Variants in SLC6A4 observed in about 807,000 individuals in gnomAD.
SLC6A4 encodes the protein sodium-dependent serotonin transporter.
SLC6A4 carries 22 observed loss-of-function variants against 73.4 expected under a neutral mutation model. The ratio of observed to expected loss-of-function variants is 0.30; its 90% CI spans 0.21 to 0.43. SLC6A4 has a LOEUF of 0.43. Ranked by LOEUF, SLC6A4 falls within the 20% of genes least tolerant of loss-of-function variation. SLC6A4 has a pLI of 1.00. For synonymous variants in SLC6A4, 270 were observed against 315.5 expected, an observed-to-expected ratio of 0.86 and a Z score of 1.53; for missense variants, 593 against 808.5, an observed-to-expected ratio of 0.73 and a Z score of 3.23.
intron 3 of SLC6A4, 64 bp from the exon 4 acceptor site, chr17:30,218,995 C>A (rs779727943): frequency 2.5e-5 from 40 of 1,596,998 alleles, no homozygotes; most frequent in Non-Finnish European, 3.3e-5. Context: ...CCCAACCAAT[C>A]TGTGACTGAG....
At chr17:30,213,287 C>A (rs2143014505) in intron 8 of SLC6A4, among the ~76,000 whole-genome samples, 1 of 151,452 alleles carries the variant, frequency 6.6e-6, no homozygotes, top group African/African-American at 2.4e-5. Context: ...CAGAGAGATA[C>A]CCTCATTTTT....
chr17:30,229,817 C>T (rs1422843003), intron 1 of SLC6A4, among the ~76,000 whole-genome samples: 1 of 151,884 alleles, frequency 6.6e-6, no homozygotes, highest in Non-Finnish European at 1.5e-5. Flanking sequence ...GGTCAGAGTT[C>T]GAGACCAGCC....
At chr17:30,212,208 G>A (rs1906409235) in intron 9 of SLC6A4, among the ~76,000 whole-genome samples, 1 of 152,142 alleles carries the variant, frequency 6.6e-6, no homozygotes, top group Admixed American at 6.6e-5. Context: ...TAGACTTTGA[G>A]CCATCACAAG....
intron 11 of SLC6A4, among the ~76,000 whole-genome samples, chr17:30,209,919 C>T (rs1440697289): frequency 1.3e-5 from 2 of 152,146 alleles, no homozygotes; most frequent in Non-Finnish European, 2.9e-5. Flanking sequence ...GGATACCAGA[C>T]ACATTAAGGG....
In SLC6A4 at chr17:30,203,343, A is replaced by G. The variant is rs200464127; in HGVS notation, c.1651-4T>C. 5.0e-6 allele frequency: 8 copies of G among 1,611,766 alleles called. No homozygotes were observed. In the East Asian group the frequency reaches 1.8e-4, roughly 36 times the overall value. ...TCAGAAAACTGCAAATGATGAACTA[A>G]AACAGAAATTCCAAGAAACATTAAA... On this transcript the variant is annotated splice_region_variant and splice_polypyrimidine_tract_variant and intron_variant, in intron 13 of 14. Transcript: ENST00000650711.
At chr17:30,233,308 G>A (rs962400582) in intron 1 of SLC6A4, among the ~76,000 whole-genome samples, 15 of 152,154 alleles carry the variant, frequency 9.9e-5, no homozygotes, top group African/African-American at 3.4e-4. Context: ...TATTTCTACC[G>A]CACCACACCC....
intron 1 of SLC6A4, among the ~76,000 whole-genome samples, chr17:30,225,278 GGTGA>G (rs1448536395): frequency 6.6e-6 from 1 of 152,046 alleles, no homozygotes. Context: ...AACTCCTCTC[GGTGA>G]CTAATCGGGT....
At chr17:30,209,286 C>T in intron 11 of SLC6A4, 44 bp from the exon 12 acceptor site, 1 of 1,229,502 alleles carries the variant, frequency 8.1e-7, no homozygotes, top group Non-Finnish European at 1.2e-6. Context: ...TCCAAGGAGC[C>T]ACCCCTCCCA....
At chr17:30,222,745 C>A (rs1906807579) in intron 2 of SLC6A4, 74 bp downstream of exon 2, 1 of 1,245,416 alleles carries the variant, frequency 8.0e-7, no homozygotes, top group Admixed American at 2.3e-5. Flanking sequence ...TCCAGTCTAT[C>A]TGCACATGGC....
intron 5 of SLC6A4, 42 bp downstream of exon 5, chr17:30,218,076 G>A (rs773356223): frequency 6.5e-6 from 10 of 1,534,154 alleles, no homozygotes; most frequent in Admixed American, 3.3e-5. Context: ...CAGGGGTGTG[G>A]CCTGCCCCTA....
At chr17:30,203,702 T>G (rs1906105092) in intron 13 of SLC6A4, 2 of 217,204 alleles carry the variant, frequency 9.2e-6, no homozygotes, top group Admixed American at 5.1e-5. Flanking sequence ...TTGGGCCTTG[T>G]CTTGCCAGAA....
intron 1 of SLC6A4, among the ~76,000 whole-genome samples, chr17:30,229,623 A>G (rs1907025759): frequency 6.6e-6 from 1 of 152,092 alleles, no homozygotes; most frequent in South Asian, 2.1e-4. Context: ...TATGTTGCCC[A>G]GGCTGGTCTT....
At chr17:30,215,519 T>C in intron 8 of SLC6A4, 92 bp downstream of exon 8, 1 of 1,042,534 alleles carries the variant, frequency 9.6e-7, no homozygotes, top group South Asian at 1.3e-5. Context: ...CCTGGCCAGA[T>C]TCGAGGCCGT....
chr17:30,205,519 A>G (rs1397391330), intron 13 of SLC6A4, among the ~76,000 whole-genome samples: 1 of 152,202 alleles, frequency 6.6e-6, no homozygotes, highest in Non-Finnish European at 1.5e-5. Context: ...ATTTCCAACA[A>G]CCCTCTCACT....
chr17:30,210,631 C>G lies in SLC6A4; in HGVS notation c.1333G>C (p.Gly445Arg). 2.5e-6 allele frequency: 4 copies of G among 1,612,372 alleles called. No homozygotes were observed. The highest frequency in any genetic ancestry group is 1.1e-5 in the South Asian group (1 of 90,884). The change falls in exon 11 of 15, where the codon GGG becomes CGG. Residue 445 changes from glycine (G) to arginine (R), a missense_variant. Gly to Arg is a moderately radical substitution (Grantham distance 125). Coordinates refer to ENST00000650711, the MANE Select transcript of SLC6A4 (RefSeq NM_001045.6). ...TCATCCAGCACAGCCGTGATCACCCCCTCCAAGCCTGCAAACTGAGAGGTA... is the reference window on the plus strand; with the variant it reads ...TCATCCAGCACAGCCGTGATCACCCGCTCCAAGCCTGCAAACTGAGAGGTA... ...GLDSTFAGLE[G>R]VITAVLDEFP...
At chr17:30,223,282 A>G (rs1360702767) in intron 1 of SLC6A4, among the ~76,000 whole-genome samples, 1 of 152,204 alleles carries the variant, frequency 6.6e-6, no homozygotes, top group African/African-American at 2.4e-5. Context: ...AAAGATAGCC[A>G]GGGATGGACT....
At position 30,222,062 on chromosome 17, in the gene SLC6A4, T is replaced by C; in HGVS notation, c.-104A>G. On this transcript the variant is annotated 5_prime_UTR_variant, in exon 3 of 15. Transcript: ENST00000650711. ...ACCTCCGAGCTCTCTATCGTCGGGA[T>C]TGACACGTCGGGATTGACTCTGTTG... 1 of 1,580,520 alleles carries C rather than the reference T, an allele frequency of 6.3e-7. No individual in the cohort carries two copies. The highest frequency in any genetic ancestry group is 8.6e-7 in the Non-Finnish European group (1 of 1,163,478).
chr17:30,217,819 G>A (rs1481133568), intron 5 of SLC6A4, among the ~76,000 whole-genome samples: 1 of 152,260 alleles, frequency 6.6e-6, no homozygotes, highest in Non-Finnish European at 1.5e-5. Flanking sequence ...ACATTTGGCT[G>A]AGAGGAGGAC....
intron 8 of SLC6A4, among the ~76,000 whole-genome samples, chr17:30,213,075 C>T (rs896700293): frequency 3.9e-5 from 6 of 152,208 alleles, no homozygotes; most frequent in African/African-American, 1.4e-4. Flanking sequence ...ACTGCCATGA[C>T]CACCACACAT....
Sources: gnomAD v4.1 joint callset for allele counts (sites outside exome capture counted in the v4.1 genomes callset) on GRCh38, gnomAD v4.1.1 for gene constraint, MANE v1.5 for transcripts, NCBI Gene and HGNC (gene_info 2026-07-23, HGNC 2026-07-21) for gene names.